WDPCP: variants seen among roughly 807,000 people sequenced by gnomAD.
WDPCP encodes WD repeat-containing and planar cell polarity effector protein fritz homolog.
Under a neutral mutation model 93.1 loss-of-function variants are expected in WDPCP, and 71 were observed. The observed-to-expected ratio is 0.76, with a 90% CI of 0.63 to 0.93. WDPCP has a LOEUF of 0.93. Ranked by LOEUF, WDPCP falls within the 40% of genes least tolerant of loss-of-function variation. The pLI is 0.00. For missense variants in WDPCP, 844 were observed against 887.4 expected, an observed-to-expected ratio of 0.95 and a Z score of 0.62; for synonymous variants, 315 against 315.0, an observed-to-expected ratio of 1.00 and a Z score of 0.00.
At chr2:63,626,975 T>TA (rs557315558) in intron 3 of WDPCP, among the ~76,000 whole-genome samples, 2,847 of 133,460 alleles carry the variant, frequency 0.021, 61 homozygotes, top group African/African-American at 0.062. Flanking sequence ...AAAGCATAAT[T>TA]AAAAAAAAAA....
chr2:63,594,453 T>C, intron 3 of WDPCP: 1 of 1,343,078 alleles, frequency 7.4e-7, no homozygotes, highest in Non-Finnish European at 1.1e-6. Flanking sequence ...GGTACAGTAG[T>C]ACTTAAAGAT....
In WDPCP at chr2:63,776,720, T is replaced by C. The variant is rs533273566; in HGVS notation, n.308+36902A>G. ...ACAAGCACATGAAAGATGTTCAACATCATTAGTTGTTAGGGAATACAAATT... is the reference window on the plus strand; with the variant it reads ...ACAAGCACATGAAAGATGTTCAACACCATTAGTTGTTAGGGAATACAAATT... On this transcript the variant is annotated intron_variant and non_coding_transcript_variant, in intron 2 of 4. Coordinates refer to the WDPCP transcript ENST00000467687. Among the ~76,000 whole-genome samples, 18 of 142,862 alleles carry C rather than the reference T, an allele frequency of 1.3e-4. No homozygotes were observed. The South Asian group carries it at 4.4e-3, about 35-fold the overall frequency. The allele number at this position is 142,862 out of a possible 152,430, so 93.7% of individuals were successfully genotyped here.
chr2:63,465,291 T>C (rs1365206253), intron 6 of WDPCP, among the ~76,000 whole-genome samples: 2 of 152,090 alleles, frequency 1.3e-5, no homozygotes, highest in South Asian at 2.1e-4. Flanking sequence ...CTGGCACAAA[T>C]AGATGAAGTA....
intron 10 of WDPCP, among the ~76,000 whole-genome samples, chr2:63,396,336 T>C (rs1283814580): frequency 6.6e-6 from 1 of 152,204 alleles, no homozygotes; most frequent in African/African-American, 2.4e-5. Flanking sequence ...TACTGTTTGT[T>C]TTTTAGAAAG....
At chr2:63,722,584 C>T in intron 2 of WDPCP, among the ~76,000 whole-genome samples, 1 of 142,454 alleles carries the variant, frequency 7.0e-6, no homozygotes, top group African/African-American at 2.6e-5. Context: ...CCCCGCCCGG[C>T]CAGCCGCCCC....
At chr2:63,548,665 CTTTT>C (rs112993940) in intron 1 of WDPCP, among the ~76,000 whole-genome samples, 1 of 144,654 alleles carries the variant, frequency 6.9e-6, no homozygotes, top group East Asian at 2.0e-4. Context: ...ATTTTCTTTC[CTTTT>C]TTTTTTTTGA....
intron 13 of WDPCP, among the ~76,000 whole-genome samples, chr2:63,286,818 T>C (rs888027346): frequency 2.0e-5 from 3 of 152,246 alleles, no homozygotes; most frequent in African/African-American, 7.2e-5. Context: ...CTTTTGATTA[T>C]TTCCTATTTG....
chr2:63,489,713 G>A (rs1388276243), intron 2 of WDPCP, among the ~76,000 whole-genome samples: 1 of 151,912 alleles, frequency 6.6e-6, no homozygotes, highest in East Asian at 1.9e-4. Context: ...AATACATAAT[G>A]AAATAAAATA....
At chr2:63,293,590 A>G (rs978529274) in intron 13 of WDPCP, among the ~76,000 whole-genome samples, 1 of 152,204 alleles carries the variant, frequency 6.6e-6, no homozygotes, top group Non-Finnish European at 1.5e-5. Context: ...AGACTGTAAA[A>G]CAGCTGTCTA....
rs114622644 is a variant in WDPCP at position 63,791,248 on chromosome 2, C to A, written n.308+22374G>T. On this transcript the variant is annotated intron_variant and non_coding_transcript_variant, in intron 2 of 4. Coordinates refer to the WDPCP transcript ENST00000467687. Reference sequence around the variant, plus strand: ...ATTGTAAGTGGAATTTAGAATTTGCCTTGTTGGCATAGACTTGGTGTCTGA... The same window carrying A: ...ATTGTAAGTGGAATTTAGAATTTGCATTGTTGGCATAGACTTGGTGTCTGA... 1.1e-3 allele frequency among the ~76,000 whole-genome samples: 160 copies of A among 152,212 alleles called. 1 individual carries two copies. The highest frequency in any genetic ancestry group is 3.4e-3 in the Middle Eastern group (1 of 292).
chr2:63,692,988 C>A (rs1173287712), intron 2 of WDPCP, among the ~76,000 whole-genome samples: 2 of 152,142 alleles, frequency 1.3e-5, no homozygotes, highest in African/African-American at 4.8e-5. Context: ...TCATTTAATT[C>A]TCAACTTTAT....
chr2:63,632,103 C>A (rs948404967), intron 3 of WDPCP, among the ~76,000 whole-genome samples: 4 of 152,210 alleles, frequency 2.6e-5, no homozygotes, highest in Non-Finnish European at 5.9e-5. Flanking sequence ...GATATTACAC[C>A]ACTGTTCCTT....
intron 1 of WDPCP, among the ~76,000 whole-genome samples, chr2:63,548,310 T>A (rs994661727): frequency 1.3e-5 from 2 of 152,104 alleles, no homozygotes; most frequent in African/African-American, 4.8e-5. Flanking sequence ...TTTAAATTAT[T>A]TCTAAAGACA....
intron 6 of WDPCP, among the ~76,000 whole-genome samples, chr2:63,463,129 A>G (rs927027886): frequency 9.9e-5 from 15 of 151,844 alleles, no homozygotes; most frequent in Admixed American, 6.6e-5. Context: ...AAAAAGAAAT[A>G]GAGAGAACAC....
chr2:63,665,550 T>C (rs262523), intron 2 of WDPCP, among the ~76,000 whole-genome samples: 123,884 of 152,260 alleles, frequency 0.81, 50,988 homozygotes, highest in East Asian at 0.98. Context: ...TAAGATCACA[T>C]ACTGAGATAC....
At chr2:63,601,330 C>T (rs533898818) in intron 3 of WDPCP, among the ~76,000 whole-genome samples, 2 of 152,156 alleles carry the variant, frequency 1.3e-5, no homozygotes, top group African/African-American at 2.4e-5. Context: ...GAGGCCTTAG[C>T]GACTTAGGGA....
At chr2:63,509,341 A>C (rs933950269) in intron 1 of WDPCP, among the ~76,000 whole-genome samples, 1 of 152,162 alleles carries the variant, frequency 6.6e-6, no homozygotes, top group African/African-American at 2.4e-5. Context: ...CTACTGGGTA[A>C]ATAACAAAAT....
rs932327750 is a variant in WDPCP at position 63,343,142 on chromosome 2, G to A, written c.1749-29831C>T. Among the ~76,000 whole-genome samples, 7 of 152,012 alleles carry A rather than the reference G, an allele frequency of 4.6e-5. No individual in the cohort carries two copies. The East Asian group carries it at 9.7e-4, about 21-fold the overall frequency. ...CAGCCTTCCGAGTAGCTGGGATTAC[G>A]GGCTTGTACCACCACATCTGGCTTT... On this transcript the variant is annotated intron_variant, in intron 12 of 17. Coordinates refer to ENST00000272321, the MANE Select transcript of WDPCP (RefSeq NM_015910.7).
At chr2:63,245,740 T>C (rs1680219802) in intron 14 of WDPCP, among the ~76,000 whole-genome samples, 1 of 152,156 alleles carries the variant, frequency 6.6e-6, no homozygotes, top group Admixed American at 6.6e-5. Flanking sequence ...TGCAGAAATT[T>C]AAGGAAGATA....
Sources: allele counts gnomAD v4.1 joint callset (sites outside exome capture counted in the v4.1 genomes callset), GRCh38; gene constraint gnomAD v4.1.1; transcripts MANE v1.5; gene names NCBI Gene and HGNC (gene_info 2026-07-23, HGNC 2026-07-21).